The following MAP2K1 variants were observed in gnomAD, a reference collection of about 807,000 sequenced individuals.
The protein encoded by MAP2K1 is dual specificity mitogen-activated protein kinase kinase 1.
In MAP2K1, 16 loss-of-function variants were observed where a neutral mutation model predicts 46.3. That is an observed-to-expected ratio of 0.35 (90% CI 0.23 to 0.52). The LOEUF (loss-of-function observed/expected upper bound fraction) is 0.52. Among genes scored for constraint, MAP2K1 ranks in the 20% least tolerant of loss-of-function variants. MAP2K1 has a pLI of 0.94. For missense variants in MAP2K1, 263 were observed against 497.1 expected, an observed-to-expected ratio of 0.53 and a Z score of 4.48; for synonymous variants, 183 against 185.6, an observed-to-expected ratio of 0.99 and a Z score of 0.11.
chr15:66,387,643 G>C (rs1280494584), intron 1 of MAP2K1, among the ~76,000 whole-genome samples: 14 of 152,266 alleles, frequency 9.2e-5, no homozygotes, highest in Non-Finnish European at 4.4e-5. Flanking sequence ...ATTCCTCTCT[G>C]TACCCCTTTT....
At chr15:66,405,404 A>G (rs1395128869) in intron 1 of MAP2K1, among the ~76,000 whole-genome samples, 1 of 152,230 alleles carries the variant, frequency 6.6e-6, no homozygotes, top group Non-Finnish European at 1.5e-5. Context: ...AGTGGCTACT[A>G]TACTGGACCA....
In MAP2K1 at chr15:66,431,293, G is replaced by T. The variant is rs2093474466; in HGVS notation, c.81-3734G>T. On this transcript the variant is annotated intron_variant, in intron 1 of 10. Coordinates refer to ENST00000307102, the MANE Select transcript of MAP2K1 (RefSeq NM_002755.4). ...CCTTTGCTTAAAACATTTCACCTTG[G>T]AAAGGCAGAAATTAGCCTTGTTGAA... Among the ~76,000 whole-genome samples the T allele has an allele frequency of 2.6e-5, 4 of 152,150 alleles. No homozygotes were observed. The South Asian group carries it at 8.3e-4, about 32-fold the overall frequency.
intron 5 of MAP2K1, among the ~76,000 whole-genome samples, chr15:66,461,705 G>C (rs1892327018): frequency 6.6e-6 from 1 of 152,088 alleles, no homozygotes; most frequent in Non-Finnish European, 1.5e-5. Flanking sequence ...GCTGTCATTA[G>C]GTGGTGGTAA....
chr15:66,456,739 G>C (rs1374181015), intron 5 of MAP2K1, among the ~76,000 whole-genome samples: 3 of 152,162 alleles, frequency 2.0e-5, no homozygotes, highest in Non-Finnish European at 2.9e-5. Flanking sequence ...TTGCCTGGTG[G>C]GCCACCCTGG....
intron 1 of MAP2K1, among the ~76,000 whole-genome samples, chr15:66,425,556 G>C (rs938617445): frequency 2.0e-5 from 3 of 152,184 alleles, no homozygotes; most frequent in African/African-American, 7.2e-5. Context: ...CAGGAAATCA[G>C]CTGCTTCTGG....
intron 1 of MAP2K1, among the ~76,000 whole-genome samples, chr15:66,420,898 T>C (rs1219493391): frequency 2.7e-5 from 3 of 109,306 alleles, no homozygotes; most frequent in East Asian, 2.6e-4. Context: ...TATATACACA[T>C]ACATACATAC....
chr15:66,400,918 C>T (rs1481488131), intron 1 of MAP2K1, among the ~76,000 whole-genome samples: 4 of 152,136 alleles, frequency 2.6e-5, no homozygotes, highest in Non-Finnish European at 5.9e-5. Context: ...TAGTTGCCTG[C>T]TTAAGGACAA....
At chr15:66,478,767 G>A (rs1892843797) in intron 5 of MAP2K1, among the ~76,000 whole-genome samples, 1 of 151,820 alleles carries the variant, frequency 6.6e-6, no homozygotes, top group Non-Finnish European at 1.5e-5. Flanking sequence ...GTGAGCCACT[G>A]CGCCTGGCTG....
intron 1 of MAP2K1, among the ~76,000 whole-genome samples, chr15:66,398,093 T>G (rs2093372474): frequency 6.9e-6 from 1 of 144,466 alleles, no homozygotes; most frequent in Non-Finnish European, 1.5e-5. Context: ...CAGAGTGAGA[T>G]TCCATCTAAA....
At chr15:66,481,258 T>G (rs781749427) in intron 5 of MAP2K1, among the ~76,000 whole-genome samples, 1 of 152,160 alleles carries the variant, frequency 6.6e-6, no homozygotes, top group Non-Finnish European at 1.5e-5. Flanking sequence ...AAGACCCACA[T>G]GCTCCATGCC....
chr15:66,437,250 C>T (rs1160740269), intron 3 of MAP2K1, among the ~76,000 whole-genome samples: 2 of 152,298 alleles, frequency 1.3e-5, no homozygotes, highest in Admixed American at 6.5e-5. Context: ...GTGCAAGGCT[C>T]TGGAGTTAAA....
intron 5 of MAP2K1, chr15:66,453,441 C>T: frequency 1.4e-6 from 1 of 701,456 alleles, no homozygotes; most frequent in South Asian, 1.5e-5. Context: ...TTTCAGACTC[C>T]TGTTGTTTAC....
rs574055724 is a variant in MAP2K1, at chr15:66,433,214, A to T, written c.81-1813A>T. Among the ~76,000 whole-genome samples, 421 of 152,254 alleles carry T rather than the reference A, an allele frequency of 2.8e-3. 4 individuals are homozygous for T. The highest frequency in any genetic ancestry group is 9.9e-3 in the African/African-American group (413 of 41,552). Reference sequence around the variant, plus strand: ...AGCCACACATGTTCTGGGTTCCCACACCTTAGGGACTGGGGACACTGCAAG... The same window carrying T: ...AGCCACACATGTTCTGGGTTCCCACTCCTTAGGGACTGGGGACACTGCAAG... On this transcript the variant is annotated intron_variant, in intron 1 of 10. Coordinates refer to ENST00000307102, the MANE Select transcript of MAP2K1 (RefSeq NM_002755.4).
chr15:66,403,594 T>C (rs2093387900), intron 1 of MAP2K1, among the ~76,000 whole-genome samples: 1 of 152,166 alleles, frequency 6.6e-6, no homozygotes, highest in Non-Finnish European at 1.5e-5. Flanking sequence ...CTTAAATGCA[T>C]TTACTTTTCA....
In MAP2K1 at chr15:66,436,614, C is replaced by G. The variant is rs1051643588; in HGVS notation, c.292-132C>G. On this transcript the variant is annotated intron_variant, in intron 2 of 10. Transcript: ENST00000307102. Reference sequence around the variant, plus strand: ...CACTCATTTCTTGGTTGAGCAGAAACTTGTTTGTAACAACTTAACCTGTTT... The same window carrying G: ...CACTCATTTCTTGGTTGAGCAGAAAGTTGTTTGTAACAACTTAACCTGTTT... 5.9e-5 allele frequency: 53 copies of G among 897,286 alleles called. 1 individual carries two copies. In the South Asian group the frequency reaches 6.4e-4, roughly 11 times the overall value. 55.6% of individuals were successfully genotyped at this position (897,286 alleles called of 1,614,324 possible).
chr15:66,479,274 C>G (rs960466631), intron 5 of MAP2K1, among the ~76,000 whole-genome samples: 1 of 151,842 alleles, frequency 6.6e-6, no homozygotes, highest in Non-Finnish European at 1.5e-5. Context: ...ATTTTTGTAT[C>G]TTCACTACAG....
chr15:66,461,944 A>G (rs938413472), intron 5 of MAP2K1, among the ~76,000 whole-genome samples: 2 of 152,244 alleles, frequency 1.3e-5, no homozygotes, highest in Non-Finnish European at 2.9e-5. Flanking sequence ...CCTCAGGATC[A>G]GATGAAACTC....
Position 66,436,796 on chromosome 15 carries a change from G to T in MAP2K1, c.342G>T (p.Glu114Asp). The T allele has an allele frequency of 6.2e-7, 1 of 1,614,208 alleles. No individual in the cohort carries two copies. Among genetic ancestry groups the T allele is most frequent in the Non-Finnish European group, 8.5e-7 (1 of 1,180,022 alleles). ...CAATCCGGAACCAGATCATAAGGGAGCTGCAGGTTCTGCATGAGTGCAACT... is the reference window on the plus strand; with the variant it reads ...CAATCCGGAACCAGATCATAAGGGATCTGCAGGTTCTGCATGAGTGCAACT... ...KPAIRNQIIR[E>D]LQVLHECNSP... The change falls in exon 3 of 11, where the codon GAG becomes GAT. Residue 114 changes from glutamate to aspartate, a missense_variant. This residue lies in a region of MAP2K1 where 103 missense variants were observed against 221.6 expected (regional missense o/e 0.46). Coordinates refer to ENST00000307102, the MANE Select transcript of MAP2K1 (RefSeq NM_002755.4).
intron 5 of MAP2K1, among the ~76,000 whole-genome samples, chr15:66,478,913 A>G (rs957642877): frequency 2.0e-5 from 3 of 152,198 alleles, no homozygotes; most frequent in Non-Finnish European, 4.4e-5. Flanking sequence ...CTGCCCACAC[A>G]GAGCCCACAG....
Sources: allele counts gnomAD v4.1 joint callset (sites outside exome capture counted in the v4.1 genomes callset), GRCh38; gene constraint gnomAD v4.1.1; regional missense constraint gnomAD v4.1.1; transcripts MANE v1.5; gene names NCBI Gene and HGNC (gene_info 2026-07-23, HGNC 2026-07-21).